XRN1: variants seen among roughly 807,000 people sequenced by gnomAD.
XRN1 encodes strand-exchange protein 1 homolog.
In XRN1, 67 loss-of-function variants were observed where a neutral mutation model predicts 222.3. That is an observed-to-expected ratio of 0.30 (90% CI 0.25 to 0.37). The LOEUF (loss-of-function observed/expected upper bound fraction) is 0.37. Among genes scored for constraint, XRN1 ranks in the 10% least tolerant of loss-of-function variants. The pLI is 1.00. For synonymous variants in XRN1, 643 were observed against 652.4 expected (o/e 0.99, Z 0.22); for missense variants, 1,707 against 2,000.2 (o/e 0.85, Z 2.80).
chr3:142,431,591 T>TG (rs1221278881), intron 2 of XRN1, among the ~76,000 whole-genome samples: 1 of 150,834 alleles, frequency 6.6e-6, no homozygotes, highest in Non-Finnish European at 1.5e-5. Flanking sequence ...CTGAGGTGGG[T>TG]GGCTCACCTG....
chr3:142,333,453 G>A (rs1272741490), intron 34 of XRN1, among the ~76,000 whole-genome samples: 2 of 152,082 alleles, frequency 1.3e-5, no homozygotes, highest in African/African-American at 4.8e-5. Flanking sequence ...AATTTTATGT[G>A]CTATTTTCCC....
At chr3:142,319,909 C>G (rs998380326) in intron 37 of XRN1, among the ~76,000 whole-genome samples, 1 of 143,362 alleles carries the variant, frequency 7.0e-6, no homozygotes, top group Non-Finnish European at 1.5e-5. Flanking sequence ...TGTGTGTATA[C>G]ACACACACAC....
At chr3:142,404,423 T>C (rs1013828617) in intron 16 of XRN1, among the ~76,000 whole-genome samples, 3 of 145,134 alleles carry the variant, frequency 2.1e-5, no homozygotes, top group Non-Finnish European at 3.0e-5. Flanking sequence ...GGTAGATTAT[T>C]TGCAGGGAAG....
rs2068227650 is a variant in XRN1, at chr3:142,403,588, A to G, written c.2103+86T>C. On this transcript the variant is annotated intron_variant, in intron 18 of 40. Transcript: ENST00000392981. ...CTCCAAATTTCTAGAGTTACAACAT[A>G]TAATACCTCCCTGGTAAACATCCCA... 18 of 1,260,266 alleles carry G rather than the reference A, an allele frequency of 1.4e-5. No individual in the cohort carries two copies. In the South Asian group the frequency reaches 2.0e-4, roughly 14 times the overall value. The allele number at this position is 1,260,266 out of a possible 1,614,324, so 78.1% of individuals were successfully genotyped here.
At chr3:142,442,659 ATAGT>A (rs1310335296) in intron 1 of XRN1, among the ~76,000 whole-genome samples, 8 of 152,254 alleles carry the variant, frequency 5.3e-5, no homozygotes, top group African/African-American at 1.7e-4. Context: ...TATCAAGCAG[ATAGT>A]TAGGGCCTGT....
chr3:142,425,570 A>C, intron 3 of XRN1, 32 bp from the exon 4 acceptor site: 1 of 1,547,368 alleles, frequency 6.5e-7, no homozygotes, highest in Non-Finnish European at 8.9e-7. Flanking sequence ...GGTTAATCTA[A>C]GAAAGACATA....
chr3:142,351,526 G>T (rs1353025494), intron 32 of XRN1, among the ~76,000 whole-genome samples: 1 of 152,112 alleles, frequency 6.6e-6, no homozygotes, highest in Non-Finnish European at 1.5e-5. Context: ...GAGAGAAGGG[G>T]GGAGAGAGGT....
In XRN1 at chr3:142,447,859, CG is replaced by C. The variant is rs2070599291; in HGVS notation, c.75+10del. 2 of 1,613,084 alleles carry C rather than the reference CG, an allele frequency of 1.2e-6. No homozygotes were observed. The highest frequency in any genetic ancestry group is 2.7e-5 in the African/African-American group (2 of 74,932). On this transcript the variant is annotated intron_variant, in intron 1 of 40. Coordinates refer to ENST00000392981, the MANE Select transcript of XRN1 (RefSeq NM_001282857.2). The surrounding 1 kb of genome is among the most constrained non-coding windows in gnomAD (Gnocchi z 4.2). The stretch of plus-strand genomic sequence containing the variant: ...CTCGGCTTTCTGAGCCGTTGCCCCT[CG>C]CTCACCCACCTGATGCTCTTTCACC...
chr3:142,335,469 G>A lies in XRN1; in HGVS notation c.3918C>T (p.Ser1306=). The A allele has an allele frequency of 6.2e-7, 1 of 1,613,468 alleles. No individual in the cohort carries two copies. Among genetic ancestry groups the A allele is most frequent in the Non-Finnish European group, 8.5e-7 (1 of 1,179,778 alleles). ...TTACCTGCTTATTGGACATTTTTTG[G>A]GACCAACACTCAGCTTTAGGACTCT... is the stretch of plus-strand genomic sequence containing the variant. ...ECKSPKAECW[S]QKMSNKQPNS... is the part of the protein sequence containing the mutation. Residue 1306 remains serine, a synonymous_variant, in exon 34 of 41, where the codon TCC becomes TCT. Transcript: ENST00000392981.
intron 33 of XRN1, among the ~76,000 whole-genome samples, chr3:142,346,213 C>T (rs2066140683): frequency 6.6e-6 from 1 of 152,178 alleles, no homozygotes; most frequent in Admixed American, 6.5e-5. Flanking sequence ...GGATGAAGTA[C>T]TGATACAGTT....
chr3:142,446,979 G>C (rs150600324), intron 1 of XRN1, among the ~76,000 whole-genome samples: 2 of 151,838 alleles, frequency 1.3e-5, no homozygotes. Flanking sequence ...CAAATTTCAA[G>C]CTTTTTTTCT....
In XRN1 at chr3:142,365,120, G is replaced by T; in HGVS notation, c.3321C>A (p.Asp1107Glu). 1 of 1,613,394 alleles carries T rather than the reference G, an allele frequency of 6.2e-7. No individual in the cohort carries two copies. The highest frequency in any genetic ancestry group is 8.5e-7 in the Non-Finnish European group (1 of 1,179,650). Residue 1107 changes from aspartate to glutamate, a missense_variant, in exon 29 of 41, where the codon GAC becomes GAA. This residue lies in a region of XRN1 where 1,234 missense variants were observed against 1,518.2 expected (regional missense o/e 0.81). Transcript: ENST00000392981. ...PDRDAEFCLF[D>E]RVVNVRENFS... ...AGTTTTCTCTCACATTTACAACACG[G>T]TCAAAAAGACAAAATTCTGCATCCC... is the stretch of plus-strand genomic sequence containing the variant.
intron 21 of XRN1, among the ~76,000 whole-genome samples, chr3:142,384,027 T>C (rs986415901): frequency 2.6e-4 from 40 of 151,970 alleles, no homozygotes; most frequent in African/African-American, 7.7e-4. Context: ...TCTCAGCACT[T>C]TGGGAGGCCG....
At chr3:142,392,322 T>C (rs1297017128) in intron 20 of XRN1, among the ~76,000 whole-genome samples, 1 of 109,156 alleles carries the variant, frequency 9.2e-6, no homozygotes, top group Non-Finnish European at 1.8e-5. Context: ...AAGCCAGCAA[T>C]TTCTTTTTTT....
chr3:142,323,236 C>A (rs2065410181), intron 37 of XRN1, among the ~76,000 whole-genome samples: 1 of 151,264 alleles, frequency 6.6e-6, no homozygotes, highest in African/African-American at 2.4e-5. Flanking sequence ...TTCCACACTG[C>A]AAGATTCCAC....
chr3:142,376,132 G>A, intron 24 of XRN1, 188 bp from the exon 25 acceptor site: 1 of 1,098,946 alleles, frequency 9.1e-7, no homozygotes, highest in South Asian at 2.3e-5. Flanking sequence ...AAAACTAGAA[G>A]AAAAGCTTCA....
At chr3:142,365,800 T>C (rs913500418) in intron 27 of XRN1, among the ~76,000 whole-genome samples, 2 of 152,168 alleles carry the variant, frequency 1.3e-5, no homozygotes, top group African/African-American at 4.8e-5. Flanking sequence ...TGTTTTGGCC[T>C]TTATATAAAT....
chr3:142,335,560 A>G (rs1278959989), intron 33 of XRN1, 51 bp from the exon 34 acceptor site: 5 of 1,453,648 alleles, frequency 3.4e-6, no homozygotes, highest in African/African-American at 1.4e-5. Context: ...TTACTGCACA[A>G]TTAAAACTAC....
chr3:142,322,663 G>A (rs544407862), intron 37 of XRN1, among the ~76,000 whole-genome samples: 5 of 151,898 alleles, frequency 3.3e-5, no homozygotes, highest in African/African-American at 7.3e-5. Flanking sequence ...CGAACAGAGC[G>A]AGGTTCTGTC....
Sources: allele counts gnomAD v4.1 joint callset (sites outside exome capture counted in the v4.1 genomes callset), GRCh38; gene constraint gnomAD v4.1.1; regional missense constraint gnomAD v4.1.1; non-coding constraint Gnocchi (gnomAD v3.1); transcripts MANE v1.5; gene names NCBI Gene and HGNC (gene_info 2026-07-23, HGNC 2026-07-21).